Variants in COMMD7 observed in about 807,000 individuals in gnomAD.
COMMD7 encodes the protein COMM domain-containing protein 7.
In COMMD7, 28 loss-of-function variants were observed where a neutral mutation model predicts 34.8. The observed-to-expected ratio is 0.80, with a 90% CI of 0.60 to 1.10. The LOEUF is 1.10. Among genes scored for constraint, COMMD7 ranks in the 50% least tolerant of loss-of-function variants. The probability of loss-of-function intolerance (pLI) is 0.00; values close to 1 mark genes in which losing one functional copy is unlikely to be tolerated. For missense variants in COMMD7, 211 were observed against 241.6 expected, an observed-to-expected ratio of 0.87 and a Z score of 0.84; for synonymous variants, 80 against 86.4, an observed-to-expected ratio of 0.93 and a Z score of 0.41.
At chr20:32,706,847 T>C (rs1984113055) in intron 3 of COMMD7, 87 bp from the exon 4 acceptor site, 1 of 1,051,658 alleles carries the variant, frequency 9.5e-7, no homozygotes, top group Non-Finnish European at 1.5e-6. Context: ...CTATGTGACC[T>C]AAAGGACAAA....
intron 3 of COMMD7, among the ~76,000 whole-genome samples, chr20:32,720,882 G>A (rs896224745): frequency 6.6e-6 from 1 of 152,170 alleles, no homozygotes; most frequent in Non-Finnish European, 1.5e-5. Context: ...CGCTCTGCAC[G>A]TACTGAGCAC....
chr20:32,734,753 C>T (rs1986047570), intron 1 of COMMD7, among the ~76,000 whole-genome samples: 3 of 151,890 alleles, frequency 2.0e-5, no homozygotes, highest in Admixed American at 2.0e-4. Flanking sequence ...CATAATGAAA[C>T]CCCATGTCTA....
chr20:32,716,082 A>G (rs1458611658), intron 3 of COMMD7, among the ~76,000 whole-genome samples: 1 of 152,184 alleles, frequency 6.6e-6, no homozygotes, highest in Non-Finnish European at 1.5e-5. Context: ...TGAGTAAGCA[A>G]GCACAGAAGG....
At chr20:32,714,623 A>T (rs189462720) in intron 3 of COMMD7, among the ~76,000 whole-genome samples, 8 of 151,496 alleles carry the variant, frequency 5.3e-5, no homozygotes, top group Admixed American at 5.3e-4. Flanking sequence ...CAGGAGTTCG[A>T]GGCCAGCCTG....
intron 3 of COMMD7, among the ~76,000 whole-genome samples, chr20:32,709,915 G>A (rs1984334227): frequency 7.0e-6 from 1 of 142,488 alleles, no homozygotes; most frequent in South Asian, 2.2e-4. Context: ...ATCTCATTCT[G>A]TCACCCAGGC....
chr20:32,716,076 T>A (rs1023022313), intron 3 of COMMD7, among the ~76,000 whole-genome samples: 10 of 152,050 alleles, frequency 6.6e-5, no homozygotes, highest in Non-Finnish European at 5.9e-5. Context: ...CCCTGGTGAG[T>A]AAGCAAGCAC....
chr20:32,728,496 A>C (rs1985654494), intron 1 of COMMD7, among the ~76,000 whole-genome samples: 1 of 152,040 alleles, frequency 6.6e-6, no homozygotes, highest in African/African-American at 2.4e-5. Context: ...AATCATCAGA[A>C]AATTAAAAGC....
At chr20:32,740,512 G>A (rs1052158367) in intron 1 of COMMD7, among the ~76,000 whole-genome samples, 1 of 142,478 alleles carries the variant, frequency 7.0e-6, no homozygotes, top group Admixed American at 7.1e-5. Context: ...TAAAATGATG[G>A]TCCCATAACA....
In COMMD7 at chr20:32,704,065, A is replaced by C; in HGVS notation, c.484T>G (p.Leu162Val). 1 of 1,593,256 alleles carries C rather than the reference A, an allele frequency of 6.3e-7. No individual in the cohort carries two copies. The highest frequency in any genetic ancestry group is 8.6e-7 in the Non-Finnish European group (1 of 1,169,110). ...KVGSIFLQLKLVVKKGNQTEN... is the reference protein window; with the variant it reads ...KVGSIFLQLKVVVKKGNQTEN... Reference sequence around the variant, plus strand: ...GTTTGATTTCCTTTCTTAACCACCAACTTTAGCTGATGAAAGAAAAAGAAA... The same window carrying C: ...GTTTGATTTCCTTTCTTAACCACCACCTTTAGCTGATGAAAGAAAAAGAAA... The change falls in exon 8 of 9, where the codon TTG becomes GTG. Residue 162 changes from leucine to valine, a missense_variant. Leu to Val is a conservative substitution (Grantham distance 32, BLOSUM62 1). Transcript: ENST00000278980.
intron 3 of COMMD7, among the ~76,000 whole-genome samples, chr20:32,711,841 G>C (rs895887213): frequency 7.4e-6 from 1 of 134,672 alleles, no homozygotes; most frequent in Non-Finnish European, 1.6e-5. Flanking sequence ...AGGGTGGGGT[G>C]GGGGGAGGGA....
Position 32,703,329 on chromosome 20 carries a change from C to T in COMMD7, c.*53G>A. The T allele has an allele frequency of 4.6e-6, 7 of 1,536,424 alleles. No individual in the cohort carries two copies. The South Asian group carries it at 8.1e-5, about 18-fold the overall frequency. On this transcript the variant is annotated 3_prime_UTR_variant, in exon 9 of 9. Transcript: ENST00000278980. The stretch of plus-strand genomic sequence containing the variant: ...TGAAGTGCCTCTCAGAGCAGTCACC[C>T]AGGGAAGGGAGGAGGGCAGGGAACG...
intron 1 of COMMD7, among the ~76,000 whole-genome samples, chr20:32,741,408 T>G (rs1303500907): frequency 7.3e-5 from 11 of 150,690 alleles, no homozygotes; most frequent in African/African-American, 2.7e-4. Context: ...TTTTTTTTTT[T>G]GAGATGAAGT....
intron 3 of COMMD7, among the ~76,000 whole-genome samples, chr20:32,710,037 C>T (rs1984343194): frequency 1.3e-5 from 2 of 151,902 alleles, no homozygotes; most frequent in East Asian, 3.9e-4. Flanking sequence ...CTCCACAATG[C>T]TTGACTAATT....
intron 1 of COMMD7, among the ~76,000 whole-genome samples, chr20:32,735,936 A>G (rs1271155756): frequency 6.6e-6 from 1 of 152,152 alleles, no homozygotes; most frequent in Non-Finnish European, 1.5e-5. Flanking sequence ...GTTTACTCTC[A>G]TTCTAAAATG....
intron 1 of COMMD7, among the ~76,000 whole-genome samples, chr20:32,738,274 T>C (rs1986252878): frequency 1.3e-5 from 2 of 152,220 alleles, no homozygotes; most frequent in African/African-American, 4.8e-5. Flanking sequence ...TACAGGCACA[T>C]ACCACCACTC....
chr20:32,729,616 T>TAA lies in COMMD7; in HGVS notation c.85-1476_85-1475dup, dbSNP rs59640846. Among the ~76,000 whole-genome samples the TAA allele has an allele frequency of 4.1e-3, 588 of 141,970 alleles. 3 individuals carry two copies. The highest frequency in any genetic ancestry group is 0.011 in the Middle Eastern group (3 of 284). 93.1% of individuals were successfully genotyped at this position (141,970 alleles called of 152,430 possible). A position where few individuals can be genotyped will look rare whatever the true frequency, so the allele number is the denominator to read the frequency against. On this transcript the variant is annotated intron_variant, in intron 1 of 8. Transcript: ENST00000278980. ...GGCAACACAGCAAGACCCCACCTCT[T>TAA]AAAAAAAAAAAAAAGGAAGGAGGGA...
At chr20:32,720,416 A>G (rs916849275) in intron 3 of COMMD7, among the ~76,000 whole-genome samples, 22 of 150,134 alleles carry the variant, frequency 1.5e-4, no homozygotes, top group African/African-American at 5.4e-4. Flanking sequence ...AATCGCTTGA[A>G]CCCGGGAAGC....
intron 3 of COMMD7, among the ~76,000 whole-genome samples, chr20:32,709,960 C>T (rs1984337932): frequency 6.6e-6 from 1 of 151,666 alleles, no homozygotes; most frequent in African/African-American, 2.4e-5. Context: ...CTCATTACAG[C>T]CTTGACCTCC....
At position 32,712,607 on chromosome 20, in the gene COMMD7, A is replaced by G. The variant is rs143698949; in HGVS notation, c.242-5847T>C. On this transcript the variant is annotated intron_variant, in intron 3 of 8. Coordinates refer to ENST00000278980, the MANE Select transcript of COMMD7 (RefSeq NM_053041.3). ...TGCACACCCTGCACATGTACCCCAG[A>G]CCTTTAAAAAAAAAAAAAAGAAAAT... is the stretch of plus-strand genomic sequence containing the variant. Among the ~76,000 whole-genome samples the G allele has an allele frequency of 5.0e-3, 478 of 96,066 alleles. 3 individuals carry two copies. Among genetic ancestry groups the G allele is most frequent in the African/African-American group, 0.017 (465 of 26,966 alleles). The allele number at this position is 96,066 out of a possible 152,430, so 63.0% of individuals were successfully genotyped here. A position where few individuals can be genotyped will look rare whatever the true frequency, so the allele number is the denominator to read the frequency against.
Sources: gnomAD v4.1 joint callset for allele counts (sites outside exome capture counted in the v4.1 genomes callset) on GRCh38, gnomAD v4.1.1 for gene constraint, MANE v1.5 for transcripts, NCBI Gene and HGNC (gene_info 2026-07-23, HGNC 2026-07-21) for gene names.